ZBTB20: variants seen among roughly 807,000 people sequenced by gnomAD.
ZBTB20 encodes zinc finger and BTB domain-containing protein 20.
A neutral mutation model predicts 56.9 loss-of-function variants in ZBTB20; 9 were observed. The observed-to-expected ratio is 0.16, with a 90% CI of 0.10 to 0.28. The LOEUF (loss-of-function observed/expected upper bound fraction) is 0.28, where lower values mean the gene tolerates loss of function less well. Among genes scored for constraint, ZBTB20 ranks in the 10% least tolerant of loss-of-function variants. ZBTB20 has a pLI of 1.00. For missense variants in ZBTB20, 655 were observed against 1,003.0 expected (o/e 0.65, Z 4.69); for synonymous variants, 417 against 420.7 (o/e 0.99, Z 0.11).
rs549816026 is a variant in ZBTB20, at chr3:114,681,252, C to T, written c.-295+12276G>A. On this transcript the variant is annotated intron_variant, in intron 6 of 11. Transcript: ENST00000675478. ...TTGGCTCACTGCAACCTCCGTCTCC[C>T]GGGTTTAAGCGATCCTTCTGCCTTA... Among the ~76,000 whole-genome samples the T allele has an allele frequency of 2.5e-4, 38 of 151,868 alleles. No homozygotes were observed. The East Asian group carries it at 2.9e-3, about 12-fold the overall frequency.
chr3:115,118,049 T>G (rs890165875), intron 1 of ZBTB20, among the ~76,000 whole-genome samples: 3 of 152,216 alleles, frequency 2.0e-5, no homozygotes, highest in African/African-American at 7.2e-5. Context: ...TTCAGTTTCC[T>G]CATAGCAAAG....
At chr3:114,985,196 T>C (rs2078485933) in intron 2 of ZBTB20, among the ~76,000 whole-genome samples, 1 of 152,138 alleles carries the variant, frequency 6.6e-6, no homozygotes, top group Admixed American at 6.6e-5. Context: ...GCCAAATCAC[T>C]TGCCCCTAGG....
intron 1 of ZBTB20, among the ~76,000 whole-genome samples, chr3:115,104,692 T>C (rs1362862951): frequency 6.6e-6 from 1 of 152,130 alleles, no homozygotes; most frequent in Non-Finnish European, 1.5e-5. Context: ...AAACTCATTG[T>C]TTGCAAGAGT....
At chr3:115,078,211 C>T (rs2082663194) in intron 1 of ZBTB20, among the ~76,000 whole-genome samples, 1 of 152,138 alleles carries the variant, frequency 6.6e-6, no homozygotes, top group Non-Finnish European at 1.5e-5. Context: ...ATTTGTATAT[C>T]TCACACTATC....
intron 5 of ZBTB20, among the ~76,000 whole-genome samples, chr3:114,704,841 C>T (rs1327831762): frequency 1.3e-5 from 2 of 152,106 alleles, no homozygotes; most frequent in Non-Finnish European, 2.9e-5. Context: ...TACTACTATG[C>T]TGAATTGAAA....
intron 3 of ZBTB20, among the ~76,000 whole-genome samples, chr3:114,901,510 A>G (rs2075118598): frequency 6.6e-6 from 1 of 152,184 alleles, no homozygotes; most frequent in Admixed American, 6.6e-5. Flanking sequence ...TCAAGAACCC[A>G]AAGTTCAATA....
chr3:114,961,144 A>G (rs1014023640), intron 3 of ZBTB20, among the ~76,000 whole-genome samples: 4 of 151,662 alleles, frequency 2.6e-5, no homozygotes, highest in African/African-American at 7.3e-5. Flanking sequence ...TAACTGGTCA[A>G]TCTCTGAAAG....
At chr3:114,622,376 C>G (rs1026327920) in intron 6 of ZBTB20, among the ~76,000 whole-genome samples, 6 of 151,994 alleles carry the variant, frequency 3.9e-5, no homozygotes, top group Non-Finnish European at 8.8e-5. Flanking sequence ...ATAGTATAGT[C>G]CTAACACGAG....
At chr3:115,064,870 A>G (rs532037596) in intron 2 of ZBTB20, among the ~76,000 whole-genome samples, 1 of 152,222 alleles carries the variant, frequency 6.6e-6, no homozygotes, top group South Asian at 2.1e-4. Context: ...GGAACTTTCT[A>G]TTATCATCTA....
At chr3:114,674,348 T>C (rs2061515553) in intron 6 of ZBTB20, among the ~76,000 whole-genome samples, 1 of 152,208 alleles carries the variant, frequency 6.6e-6, no homozygotes, top group African/African-American at 2.4e-5. Context: ...GGCTTTGGGG[T>C]CTTGGACAAG....
chr3:114,393,913 C>T (rs112222156), intron 7 of ZBTB20, among the ~76,000 whole-genome samples: 5 of 152,174 alleles, frequency 3.3e-5, no homozygotes, highest in African/African-American at 1.2e-4. Flanking sequence ...GCAGATCTGT[C>T]TTGGAAGCCC....
intron 11 of ZBTB20, among the ~76,000 whole-genome samples, chr3:114,341,260 G>C (rs557292279): frequency 8.0e-6 from 1 of 124,444 alleles, no homozygotes; most frequent in South Asian, 2.8e-4. Flanking sequence ...GTTTACATTG[G>C]TACCTTTTTT....
intron 5 of ZBTB20, among the ~76,000 whole-genome samples, chr3:114,769,395 A>G (rs899681218): frequency 1.3e-5 from 2 of 151,454 alleles, no homozygotes; most frequent in African/African-American, 4.9e-5. Flanking sequence ...ACTATCATAC[A>G]TATATACTAT....
At chr3:114,665,115 C>T (rs995952427) in intron 6 of ZBTB20, among the ~76,000 whole-genome samples, 2 of 152,088 alleles carry the variant, frequency 1.3e-5, no homozygotes, top group Middle Eastern at 3.4e-3. Context: ...AGTCGTTTGC[C>T]GTGTAATGAC....
At chr3:114,646,062 A>G (rs184779748) in intron 6 of ZBTB20, among the ~76,000 whole-genome samples, 42 of 150,708 alleles carry the variant, frequency 2.8e-4, no homozygotes, top group Non-Finnish European at 5.9e-5. Context: ...TTAGTCATTT[A>G]CTGAGTTCCT....
intron 6 of ZBTB20, among the ~76,000 whole-genome samples, chr3:114,611,216 T>C (rs948392621): frequency 2.0e-5 from 3 of 152,154 alleles, no homozygotes; most frequent in Non-Finnish European, 4.4e-5. Context: ...GGAGAACACA[T>C]AGAAGAAGAG....
At chr3:114,796,379 G>C (rs1195056780) in intron 5 of ZBTB20, among the ~76,000 whole-genome samples, 1 of 151,970 alleles carries the variant, frequency 6.6e-6, no homozygotes, top group African/African-American at 2.4e-5. Context: ...AATTAACTAA[G>C]AAATGGGATC....
intron 1 of ZBTB20, among the ~76,000 whole-genome samples, chr3:115,145,749 G>A (rs907610171): frequency 1.3e-5 from 2 of 152,122 alleles, no homozygotes; most frequent in Non-Finnish European, 1.5e-5. Context: ...TTGGGATTGG[G>A]AGCATGAACA....
At chr3:114,681,737 G>C (rs573724504) in intron 6 of ZBTB20, among the ~76,000 whole-genome samples, 1 of 152,228 alleles carries the variant, frequency 6.6e-6, no homozygotes, top group Non-Finnish European at 1.5e-5. Flanking sequence ...CAATCTTTTG[G>C]AAGTGAGTGC....
Sources: allele counts gnomAD v4.1 joint callset (sites outside exome capture counted in the v4.1 genomes callset), GRCh38; gene constraint gnomAD v4.1.1; transcripts MANE v1.5; gene names NCBI Gene and HGNC (gene_info 2026-07-23, HGNC 2026-07-21).